Variants in MAML3 observed in about 807,000 individuals in gnomAD.
MAML3 encodes the protein mastermind-like protein 3.
In MAML3, 27 loss-of-function variants were observed where a neutral mutation model predicts 101.9. The ratio of observed to expected loss-of-function variants is 0.27; its 90% CI spans 0.20 to 0.37. MAML3 has a LOEUF of 0.37. MAML3 is among the 10% of genes least tolerant of loss of function. The pLI is 1.00. For missense variants in MAML3, 1,316 were observed against 1,444.9 expected, an observed-to-expected ratio of 0.91 and a Z score of 1.45; for synonymous variants, 501 against 555.9, an observed-to-expected ratio of 0.90 and a Z score of 1.39.
chr4:140,109,151 C>G (rs762017051), intron 1 of MAML3, among the ~76,000 whole-genome samples: 1 of 151,504 alleles, frequency 6.6e-6, no homozygotes, highest in Non-Finnish European at 1.5e-5. Context: ...AGAGAAGAGA[C>G]TAAGAAAAGA....
chr4:140,039,181 T>C (rs1278840904), intron 1 of MAML3, among the ~76,000 whole-genome samples: 1 of 152,128 alleles, frequency 6.6e-6, no homozygotes, highest in Non-Finnish European at 1.5e-5. Flanking sequence ...GCCATAACTT[T>C]CTTGGGATGA....
chr4:139,829,103 AAG>A (rs372217331), intron 2 of MAML3, among the ~76,000 whole-genome samples: 4 of 144,160 alleles, frequency 2.8e-5, no homozygotes, highest in African/African-American at 1.1e-4. Context: ...GGGAAAAGGA[AAG>A]AAAGGAAGAA....
intron 1 of MAML3, among the ~76,000 whole-genome samples, chr4:140,151,238 G>A (rs1279664705): frequency 3.3e-5 from 5 of 152,104 alleles, no homozygotes; most frequent in Non-Finnish European, 5.9e-5. Context: ...GGAAGAGGAG[G>A]AGGGAAGGTG....
At chr4:139,793,621 G>T (rs795997) in intron 2 of MAML3, among the ~76,000 whole-genome samples, 115,498 of 152,148 alleles carry the variant, frequency 0.76, 43,929 homozygotes, top group South Asian at 0.84. Context: ...TCCAAGCCTG[G>T]CTCTGCATTG....
At chr4:140,096,906 T>TA (rs370207126) in intron 1 of MAML3, among the ~76,000 whole-genome samples, 7 of 151,232 alleles carry the variant, frequency 4.6e-5, no homozygotes, top group Non-Finnish European at 1.0e-4. Context: ...TGATTTTTTT[T>TA]AAGGAGTTTT....
chr4:140,080,742 TAGA>T (rs745497708), intron 1 of MAML3, among the ~76,000 whole-genome samples: 58 of 152,314 alleles, frequency 3.8e-4, no homozygotes, highest in Non-Finnish European at 6.8e-4. Flanking sequence ...CTGGTTAGTA[TAGA>T]AACTGATGAA....
intron 1 of MAML3, among the ~76,000 whole-genome samples, chr4:139,897,858 C>T (rs1241551980): frequency 6.6e-6 from 1 of 152,184 alleles, no homozygotes; most frequent in Non-Finnish European, 1.5e-5. Context: ...CTCTCATCTT[C>T]CCCGACTTAC....
intron 2 of MAML3, among the ~76,000 whole-genome samples, chr4:139,798,040 GAAAGAAAGAAAGAAAGAA>G (rs1560797513): frequency 7.5e-3 from 152 of 20,276 alleles, no homozygotes; most frequent in African/African-American, 0.016. Flanking sequence ...GAGAGAGAAA[GAAAGAAAGAAAGAAAGAA>G]AGAAAGAAAG....
At chr4:139,902,215 T>C (rs966657420) in intron 1 of MAML3, among the ~76,000 whole-genome samples, 1 of 151,880 alleles carries the variant, frequency 6.6e-6, no homozygotes, top group Non-Finnish European at 1.5e-5. Context: ...TCTCCTTCTC[T>C]CCTTCCCCTG....
intron 1 of MAML3, among the ~76,000 whole-genome samples, chr4:139,951,621 C>T (rs1733832832): frequency 6.6e-6 from 1 of 152,200 alleles, no homozygotes; most frequent in African/African-American, 2.4e-5. Flanking sequence ...CAGCTGGCTC[C>T]TACCAAGAGG....
chr4:140,069,675 A>T (rs1430033930), intron 1 of MAML3, among the ~76,000 whole-genome samples: 2 of 145,320 alleles, frequency 1.4e-5, no homozygotes, highest in Non-Finnish European at 3.1e-5. Context: ...AGAAAGAAAG[A>T]AAGAAAAAGA....
At chr4:140,003,257 C>A (rs987929268) in intron 1 of MAML3, among the ~76,000 whole-genome samples, 2 of 152,272 alleles carry the variant, frequency 1.3e-5, no homozygotes, top group Non-Finnish European at 2.9e-5. Context: ...GAAGTGACAG[C>A]AGCATTGCTC....
intron 1 of MAML3, among the ~76,000 whole-genome samples, chr4:140,110,558 A>T (rs1489651497): frequency 6.6e-6 from 1 of 152,268 alleles, no homozygotes; most frequent in Non-Finnish European, 1.5e-5. Flanking sequence ...AGTATTAAAA[A>T]GTGAACTTTG....
intron 1 of MAML3, among the ~76,000 whole-genome samples, chr4:139,998,575 C>CT (rs1213140171): frequency 6.6e-6 from 1 of 152,204 alleles, no homozygotes; most frequent in East Asian, 1.9e-4. Context: ...AGTCCAACAT[C>CT]TGGGGACACT....
chr4:140,113,198 GA>G (rs1728466751), intron 1 of MAML3, among the ~76,000 whole-genome samples: 1 of 152,130 alleles, frequency 6.6e-6, no homozygotes, highest in Non-Finnish European at 1.5e-5. Flanking sequence ...GGAATGGTAT[GA>G]ACCCAGGAGG....
chr4:139,851,449 G>T (rs865872027), intron 2 of MAML3, among the ~76,000 whole-genome samples: 36 of 152,240 alleles, frequency 2.4e-4, no homozygotes, highest in African/African-American at 7.7e-4. Context: ...AGCTTGGAGA[G>T]AAATTTGGAA....
rs553544205 is a variant in MAML3 at position 140,067,627 on chromosome 4, G to A, written c.468+85233C>T. On this transcript the variant is annotated intron_variant, in intron 1 of 4. Coordinates refer to ENST00000509479, the MANE Select transcript of MAML3 (RefSeq NM_018717.5). ...AGATTAGGCAGCTAATTCTATTTGT[G>A]ATAATAAATATAACATAAGTCTGAA... is the stretch of plus-strand genomic sequence containing the variant. 2.0e-5 allele frequency among the ~76,000 whole-genome samples: 3 copies of A among 151,756 alleles called. No individual in the cohort carries two copies. In the East Asian group the frequency reaches 5.8e-4, roughly 29 times the overall value.
intron 1 of MAML3, chr4:140,134,683 G>A (rs1728854802): frequency 3.8e-6 from 1 of 265,854 alleles, no homozygotes; most frequent in African/African-American, 2.3e-5. Context: ...ATTTGTTCAT[G>A]AGAAAAAGAA....
chr4:139,940,035 A>G (rs1733572427), intron 1 of MAML3, among the ~76,000 whole-genome samples: 1 of 152,150 alleles, frequency 6.6e-6, no homozygotes, highest in African/African-American at 2.4e-5. Flanking sequence ...AAGTGCTGTG[A>G]TTACAGGAAT....
Sources: gnomAD v4.1 joint callset for allele counts (sites outside exome capture counted in the v4.1 genomes callset) on GRCh38, gnomAD v4.1.1 for gene constraint, MANE v1.5 for transcripts, NCBI Gene and HGNC (gene_info 2026-07-23, HGNC 2026-07-21) for gene names.